TG: variants seen among roughly 807,000 people sequenced by gnomAD.
TG encodes the protein thyroglobulin.
Under a neutral mutation model 324.7 loss-of-function variants are expected in TG, and 270 were observed. The ratio of observed to expected loss-of-function variants is 0.83; its 90% CI spans 0.75 to 0.92. The LOEUF is 0.92. Among genes scored for constraint, TG ranks in the 40% least tolerant of loss-of-function variants. The probability of loss-of-function intolerance (pLI) is 0.00; values close to 1 mark genes in which losing one functional copy is unlikely to be tolerated. For synonymous variants in TG, 1,401 were observed against 1,327.0 expected (o/e 1.06, Z -1.21); for missense variants, 3,591 against 3,456.4 (o/e 1.04, Z -0.98).
At chr8:132,929,220 C>G in intron 23 of TG, 28 bp downstream of exon 23, 1 of 1,546,020 alleles carries the variant, frequency 6.5e-7, no homozygotes, top group Non-Finnish European at 8.9e-7. Context: ...GATATGCACT[C>G]AGAAGAAGGT....
chr8:132,981,009 T>C (rs1830770884), intron 34 of TG, among the ~76,000 whole-genome samples: 2 of 152,182 alleles, frequency 1.3e-5, no homozygotes, highest in Non-Finnish European at 2.9e-5. Context: ...AAGCTGTTCA[T>C]AGGATGTGAA....
intron 41 of TG, chr8:133,044,840 A>T: frequency 2.6e-6 from 2 of 765,864 alleles, no homozygotes; most frequent in Admixed American, 2.5e-5. Context: ...TGAAATTTAC[A>T]GTCTGAATTA....
chr8:133,025,420 A>ATTAT lies in TG; in HGVS notation c.7036+3274_7036+3277dup, dbSNP rs555768604. Among the ~76,000 whole-genome samples, 581 of 152,294 alleles carry ATTAT rather than the reference A, an allele frequency of 3.8e-3. 7 individuals are homozygous for ATTAT. The highest frequency in any genetic ancestry group is 0.013 in the African/African-American group (554 of 41,554). The stretch of plus-strand genomic sequence containing the variant: ...TCATATTTTTTAAATAATAGATTTT[A>ATTAT]TTATTTAGACCTGTTTTAAGTTTAT... On this transcript the variant is annotated intron_variant, in intron 40 of 47. Transcript: ENST00000220616.
intron 10 of TG, among the ~76,000 whole-genome samples, chr8:132,890,385 A>G (rs1394305586): frequency 3.9e-5 from 6 of 152,180 alleles, no homozygotes; most frequent in African/African-American, 7.2e-5. Flanking sequence ...TTTGTTGATA[A>G]GGGTATGCAA....
intron 26 of TG, among the ~76,000 whole-genome samples, chr8:132,943,285 A>G (rs919554975): frequency 3.3e-5 from 5 of 152,066 alleles, no homozygotes; most frequent in Non-Finnish European, 7.4e-5. Flanking sequence ...GATCCTTAAA[A>G]GTATATGCCA....
chr8:132,888,617 G>GTA, intron 10 of TG, 49 bp downstream of exon 10: 1 of 1,500,874 alleles, frequency 6.7e-7, no homozygotes, highest in East Asian at 2.3e-5. Context: ...GTGTGTGTGT[G>GTA]TGTGTATGTG....
chr8:133,030,027 A>T lies in TG; in HGVS notation c.7239+4A>T, dbSNP rs763128813. ...TTTCCGGAGAGCTGTGCTGATGGTAAGTGGTGTGTGTTCTACCTTCAGTCT... is the reference window on the plus strand; with the variant it reads ...TTTCCGGAGAGCTGTGCTGATGGTATGTGGTGTGTGTTCTACCTTCAGTCT... On this transcript the variant is annotated splice_donor_region_variant and intron_variant, in intron 41 of 47. Transcript: ENST00000220616. The T allele has an allele frequency of 6.2e-7, 1 of 1,614,076 alleles. No individual in the cohort carries two copies. Among genetic ancestry groups the T allele is most frequent in the Non-Finnish European group, 8.5e-7 (1 of 1,180,028 alleles).
intron 34 of TG, among the ~76,000 whole-genome samples, chr8:132,981,322 A>G (rs144832154): frequency 1.4e-4 from 22 of 152,320 alleles, no homozygotes; most frequent in African/African-American, 5.3e-4. Flanking sequence ...GTATTGGGAG[A>G]TGTTTCCTTT....
intron 35 of TG, among the ~76,000 whole-genome samples, chr8:132,986,700 C>A (rs1269958025): frequency 6.6e-6 from 1 of 152,070 alleles, no homozygotes; most frequent in East Asian, 1.9e-4. Context: ...ACCTAAAATT[C>A]CCTCCAGAAG....
chr8:132,903,566 G>A (rs1818237572), intron 16 of TG, among the ~76,000 whole-genome samples: 1 of 152,224 alleles, frequency 6.6e-6, no homozygotes. Flanking sequence ...CAGGTTCCTG[G>A]TCATGTGATC....
chr8:133,133,231 C>T (rs1852080707), intron 46 of TG, among the ~76,000 whole-genome samples: 1 of 152,196 alleles, frequency 6.6e-6, no homozygotes, highest in Non-Finnish European at 1.5e-5. Context: ...GTAATGCTAC[C>T]AGGTCATGAC....
chr8:133,127,407 A>G (rs1241310269), intron 45 of TG, among the ~76,000 whole-genome samples: 4 of 152,196 alleles, frequency 2.6e-5, no homozygotes, highest in Non-Finnish European at 5.9e-5. Flanking sequence ...ATTAATGATG[A>G]GCAGTGTGGC....
chr8:132,895,560 A>C (rs1816975705), intron 11 of TG, among the ~76,000 whole-genome samples: 1 of 152,228 alleles, frequency 6.6e-6, no homozygotes, highest in South Asian at 2.1e-4. Context: ...CAAGGAGCTG[A>C]GTAGCTGGTG....
intron 26 of TG, among the ~76,000 whole-genome samples, chr8:132,944,800 G>A (rs930928355): frequency 4.6e-5 from 7 of 152,206 alleles, no homozygotes; most frequent in African/African-American, 1.7e-4. Context: ...CATTCAGAGA[G>A]ATAAATTAAG....
Position 133,021,985 on chromosome 8 carries a change from C to G in TG, c.6877-6C>G. The stretch of plus-strand genomic sequence containing the variant: ...CTTTAGCCTCATGTTTCTCCAATAC[C>G]CACAGGCCCCTAACGCGTCTGTGCT... On this transcript the variant is annotated splice_region_variant and splice_polypyrimidine_tract_variant and intron_variant, in intron 39 of 47. Transcript: ENST00000220616. 1 of 1,614,106 alleles carries G rather than the reference C, an allele frequency of 6.2e-7. No individual in the cohort carries two copies. Among genetic ancestry groups the G allele is most frequent in the Non-Finnish European group, 8.5e-7 (1 of 1,180,014 alleles).
At chr8:132,879,657 A>T (rs79194089) in intron 5 of TG, among the ~76,000 whole-genome samples, 5,996 of 152,314 alleles carry the variant, frequency 0.039, 275 homozygotes, top group African/African-American at 0.11. Context: ...AGAGCCCAGA[A>T]GGCAGTAACT....
intron 41 of TG, among the ~76,000 whole-genome samples, chr8:133,078,009 G>A (rs1011745038): frequency 2.0e-5 from 3 of 152,178 alleles, no homozygotes; most frequent in South Asian, 2.1e-4. Context: ...TTCTTTCTTG[G>A]GTTGTAAAGT....
At position 132,886,719 on chromosome 8, in the gene TG, CT is replaced by C. The variant is rs776553164; in HGVS notation, c.1348del (p.Ser450ProfsTer29). 16 of 1,614,098 alleles carry C rather than the reference CT, an allele frequency of 9.9e-6. No individual in the cohort carries two copies. The East Asian group carries it at 3.6e-4, about 36-fold the overall frequency. On this transcript the variant is annotated frameshift_variant, in exon 9 of 48. Coordinates refer to ENST00000220616, the MANE Select transcript of TG (RefSeq NM_003235.5). LOFTEE classifies it high-confidence loss of function. Reference sequence around the variant, plus strand: ...AAGAAGCCATCCGAGCAATTTTTCCCTCCCGAGGGCTGGCTCGTCTTGCCCT... The same window carrying C: ...AAGAAGCCATCCGAGCAATTTTTCCCCCCGAGGGCTGGCTCGTCTTGCCCT... ...LKEAIRAIFP[S>X]RGLARLALQF...
intron 43 of TG, among the ~76,000 whole-genome samples, chr8:133,099,192 T>A (rs1848876532): frequency 6.6e-6 from 1 of 152,224 alleles, no homozygotes. Context: ...GAGCAGCTGC[T>A]AGCCCTGCTC....
Sources: gnomAD v4.1 joint callset for allele counts (sites outside exome capture counted in the v4.1 genomes callset) on GRCh38, gnomAD v4.1.1 for gene constraint, MANE v1.5 for transcripts, NCBI Gene and HGNC (gene_info 2026-07-23, HGNC 2026-07-21) for gene names.